PRKAG2: variants seen among roughly 807,000 people sequenced by gnomAD.
The protein encoded by PRKAG2 is protein kinase AMP-activated non-catalytic subunit gamma 2, also known as 5'-AMP-activated protein kinase subunit gamma-2.
In PRKAG2, 26 loss-of-function variants were observed where a neutral mutation model predicts 69.6. The observed-to-expected ratio is 0.37, with a 90% CI of 0.27 to 0.52. PRKAG2 has a LOEUF of 0.52. PRKAG2 is among the 20% of genes least tolerant of loss of function. The pLI is 0.90. For synonymous variants in PRKAG2, 293 were observed against 285.0 expected, an observed-to-expected ratio of 1.03 and a Z score of -0.28; for missense variants, 557 against 740.0, an observed-to-expected ratio of 0.75 and a Z score of 2.87.
intron 5 of PRKAG2, among the ~76,000 whole-genome samples, chr7:151,596,736 G>A (rs1205984150): frequency 1.3e-5 from 2 of 151,660 alleles, no homozygotes; most frequent in Non-Finnish European, 2.9e-5. Flanking sequence ...GTTACAAAGT[G>A]AGACTGTCAA....
chr7:151,576,466 G>A lies in PRKAG2; in HGVS notation c.865-14C>T, dbSNP rs1381991898. The A allele has an allele frequency of 1.3e-6, 2 of 1,565,826 alleles. No homozygotes were observed. The highest frequency in any genetic ancestry group is 1.8e-6 in the Non-Finnish European group (2 of 1,136,780). On this transcript the variant is annotated splice_polypyrimidine_tract_variant and intron_variant, in intron 6 of 15. Coordinates refer to ENST00000287878, the MANE Select transcript of PRKAG2 (RefSeq NM_016203.4). ...GGCCTTTTTAACCTGAAGAAAAAGA[G>A]GAGAAACAAAACATACTTTCAAAGT...
At chr7:151,670,155 C>T (rs577694685) in intron 4 of PRKAG2, among the ~76,000 whole-genome samples, 16 of 152,218 alleles carry the variant, frequency 1.1e-4, no homozygotes, top group African/African-American at 3.4e-4. Flanking sequence ...CACACACCTG[C>T]ATGCATGCCC....
At chr7:151,738,667 C>T (rs1213870863) in intron 3 of PRKAG2, among the ~76,000 whole-genome samples, 2 of 152,264 alleles carry the variant, frequency 1.3e-5, no homozygotes, top group Non-Finnish European at 2.9e-5. Context: ...TTTAATTCGG[C>T]CCATCCCTTT....
chr7:151,734,468 G>A (rs1276577115), intron 3 of PRKAG2, among the ~76,000 whole-genome samples: 3 of 152,202 alleles, frequency 2.0e-5, no homozygotes, highest in Admixed American at 6.5e-5. Flanking sequence ...CAGCACTGGG[G>A]TAGGGGTCCT....
Position 151,729,104 on chromosome 7 carries a change from A to G in PRKAG2, c.466+52048T>C, listed in dbSNP as rs1798481488. Among the ~76,000 whole-genome samples the G allele has an allele frequency of 8.8e-5, 13 of 148,214 alleles. No individual in the cohort carries two copies. In the South Asian group the frequency reaches 2.9e-3, roughly 33 times the overall value. ...CACCAGGCAGCGCTTGGTGACAGTGACGTAGGGAGAACAGGCAGATGGGTT... is the reference window on the plus strand; with the variant it reads ...CACCAGGCAGCGCTTGGTGACAGTGGCGTAGGGAGAACAGGCAGATGGGTT... On this transcript the variant is annotated intron_variant, in intron 3 of 15. Transcript: ENST00000287878.
intron 1 of PRKAG2, among the ~76,000 whole-genome samples, chr7:151,813,531 T>C (rs933444035): frequency 1.3e-5 from 2 of 149,954 alleles, no homozygotes; most frequent in East Asian, 1.9e-4. Flanking sequence ...CAAAGTGCCA[T>C]GCATCAATGT....
chr7:151,788,949 T>G lies in PRKAG2; in HGVS notation c.115-2408A>C, dbSNP rs974399517. Among the ~76,000 whole-genome samples the G allele has an allele frequency of 1.3e-5, 2 of 152,210 alleles. No individual in the cohort carries two copies. The highest frequency in any genetic ancestry group is 6.5e-5 in the Admixed American group (1 of 15,280). ...GTCTTGGCATGACTGTGGAACGTCA[T>G]TTGACTTTATCTCTGAGAGTTTATT... On this transcript the variant is annotated intron_variant, in intron 1 of 15. Coordinates refer to ENST00000287878, the MANE Select transcript of PRKAG2 (RefSeq NM_016203.4). This position sits in a 1 kb window ranked among gnomAD's most constrained non-coding sequence, Gnocchi z 4.6.
chr7:151,620,902 G>A (rs1224712998), intron 5 of PRKAG2, among the ~76,000 whole-genome samples: 1 of 151,926 alleles, frequency 6.6e-6, no homozygotes, highest in African/African-American at 2.4e-5. Flanking sequence ...CTTCCCAAAG[G>A]CCTGGGATTA....
intron 3 of PRKAG2, among the ~76,000 whole-genome samples, chr7:151,750,450 A>G (rs1008119308): frequency 1.3e-5 from 2 of 152,266 alleles, no homozygotes; most frequent in East Asian, 1.9e-4. Context: ...TATATGCCAC[A>G]AAGTAGATCG....
At chr7:151,811,287 G>T (rs2078408392) in intron 1 of PRKAG2, among the ~76,000 whole-genome samples, 2 of 152,208 alleles carry the variant, frequency 1.3e-5, no homozygotes, top group Non-Finnish European at 2.9e-5. Context: ...GCTGGCAGCT[G>T]CCCCTTACTC....
intron 3 of PRKAG2, among the ~76,000 whole-genome samples, chr7:151,759,198 G>A (rs192511302): frequency 7.2e-5 from 11 of 152,098 alleles, no homozygotes; most frequent in Non-Finnish European, 5.9e-5. Flanking sequence ...TCCTGCCTCC[G>A]GACATTTGCA....
rs114074159 is a variant in PRKAG2, at chr7:151,873,642, G to A, written c.114+2865C>T. On this transcript the variant is annotated intron_variant, in intron 1 of 15. Transcript: ENST00000287878. ...ATAACTGAATGAATACTACTTTCGC[G>A]GTGGGCTGGCTCATGCCAAGAACGT... Among the ~76,000 whole-genome samples the A allele has an allele frequency of 9.8e-5, 15 of 152,310 alleles. No individual in the cohort carries two copies. The South Asian group carries it at 1.2e-3, about 13-fold the overall frequency.
intron 3 of PRKAG2, among the ~76,000 whole-genome samples, chr7:151,688,517 C>A (rs551877325): frequency 1.4e-4 from 21 of 152,280 alleles, no homozygotes; most frequent in African/African-American, 4.8e-4. Flanking sequence ...AAGCATGCCT[C>A]TTTCAGGGAG....
chr7:151,585,465 C>T lies in PRKAG2; in HGVS notation c.865-9013G>A, dbSNP rs1254372879. Among the ~76,000 whole-genome samples, 3 of 139,976 alleles carry T rather than the reference C, an allele frequency of 2.1e-5. No homozygotes were observed. In the East Asian group the frequency reaches 6.4e-4, roughly 30 times the overall value. 91.8% of individuals were successfully genotyped at this position (139,976 alleles called of 152,430 possible). ...ATGTGCTTTGAAAAACTCTCAGCCA[C>T]TAGTCTGCTCTGCTCCAGCACATTC... On this transcript the variant is annotated intron_variant, in intron 6 of 15. Transcript: ENST00000287878.
chr7:151,710,054 C>T (rs958930455), intron 3 of PRKAG2, among the ~76,000 whole-genome samples: 2 of 152,130 alleles, frequency 1.3e-5, no homozygotes, highest in African/African-American at 4.8e-5. Flanking sequence ...TGGCCGGAGC[C>T]CAGTGAATAG....
intron 1 of PRKAG2, among the ~76,000 whole-genome samples, chr7:151,830,118 GTTTTT>G (rs112012814): frequency 4.9e-5 from 7 of 141,720 alleles, no homozygotes; most frequent in Non-Finnish European, 7.7e-5. Context: ...GTTCCACCTG[GTTTTT>G]TTTTTTTTTT....
intron 4 of PRKAG2, among the ~76,000 whole-genome samples, chr7:151,658,177 A>T (rs1829754531): frequency 6.8e-6 from 1 of 146,908 alleles, no homozygotes; most frequent in South Asian, 2.2e-4. Context: ...AAATAAATAA[A>T]TAAATAAATA....
chr7:151,829,769 A>G, intron 1 of PRKAG2, among the ~76,000 whole-genome samples: 1 of 152,004 alleles, frequency 6.6e-6, no homozygotes, highest in Non-Finnish European at 1.5e-5. Context: ...AAGTCATAAA[A>G]GACCAAATAT....
intron 3 of PRKAG2, among the ~76,000 whole-genome samples, chr7:151,701,014 G>A (rs1402567416): frequency 6.6e-6 from 1 of 152,176 alleles, no homozygotes; most frequent in African/African-American, 2.4e-5. Context: ...CATGCAATGT[G>A]CTGCACACAC....
Sources: allele counts gnomAD v4.1 joint callset (sites outside exome capture counted in the v4.1 genomes callset), GRCh38; gene constraint gnomAD v4.1.1; non-coding constraint Gnocchi (gnomAD v3.1); transcripts MANE v1.5; gene names NCBI Gene and HGNC (gene_info 2026-07-23, HGNC 2026-07-21).